ARMH4: variants seen among roughly 807,000 people sequenced by gnomAD.
ARMH4 encodes armadillo like helical domain containing 4.
Under a neutral mutation model 61.9 loss-of-function variants are expected in ARMH4, and 49 were observed. That is an observed-to-expected ratio of 0.79 (90% CI 0.63 to 1.00). The LOEUF (loss-of-function observed/expected upper bound fraction) is 1.00. Among genes scored for constraint, ARMH4 ranks in the 50% least tolerant of loss-of-function variants. ARMH4 has a pLI of 0.00. For synonymous variants in ARMH4, 368 were observed against 341.5 expected (o/e 1.08, Z -0.85); for missense variants, 934 against 930.0 (o/e 1.00, Z -0.06).
At chr14:58,009,594 T>C (rs1882310101) in intron 6 of ARMH4, among the ~76,000 whole-genome samples, 2 of 152,024 alleles carry the variant, frequency 1.3e-5, no homozygotes, top group Non-Finnish European at 2.9e-5. Flanking sequence ...GCAGGTCAGA[T>C]AAGGCCAAGA....
intron 5 of ARMH4, among the ~76,000 whole-genome samples, chr14:58,013,442 A>G (rs945961684): frequency 6.6e-6 from 1 of 152,172 alleles, no homozygotes; most frequent in Non-Finnish European, 1.5e-5. Context: ...ATATAAAAGC[A>G]TGCAGCAGGC....
At chr14:58,134,854 G>T (rs1887252733) in intron 2 of ARMH4, among the ~76,000 whole-genome samples, 1 of 151,396 alleles carries the variant, frequency 6.6e-6, no homozygotes, top group African/African-American at 2.4e-5. Flanking sequence ...CCACCCGGGA[G>T]GATGAGGCAG....
intron 5 of ARMH4, among the ~76,000 whole-genome samples, chr14:58,086,818 C>T (rs753780203): frequency 6.6e-6 from 1 of 152,074 alleles, no homozygotes. Flanking sequence ...AAGGGCTCAG[C>T]GTGAGTTAGG....
intron 5 of ARMH4, among the ~76,000 whole-genome samples, chr14:58,059,694 G>A (rs1456516880): frequency 6.6e-6 from 1 of 152,152 alleles, no homozygotes; most frequent in Non-Finnish European, 1.5e-5. Context: ...TTCTCTCTTT[G>A]TATGGCATTT....
intron 4 of ARMH4, chr14:58,116,134 A>G (rs970769605): frequency 6.5e-6 from 1 of 152,732 alleles, no homozygotes; most frequent in African/African-American, 2.4e-5. Context: ...TAAATGCCTC[A>G]TCGCCATGAC....
At chr14:58,140,482 G>A (rs1257073182) in intron 1 of ARMH4, among the ~76,000 whole-genome samples, 2 of 151,920 alleles carry the variant, frequency 1.3e-5, no homozygotes, top group Non-Finnish European at 2.9e-5. Context: ...TCGGGAGGCT[G>A]AGGCAAGAGA....
At chr14:58,144,802 A>C (rs1012706282) in intron 1 of ARMH4, among the ~76,000 whole-genome samples, 13 of 152,238 alleles carry the variant, frequency 8.5e-5, no homozygotes, top group Non-Finnish European at 1.5e-4. Context: ...CAGGAGGCCG[A>C]GCTTGCCGTG....
chr14:58,048,494 G>A (rs936490946), intron 5 of ARMH4, among the ~76,000 whole-genome samples: 3 of 152,180 alleles, frequency 2.0e-5, no homozygotes, highest in Non-Finnish European at 4.4e-5. Flanking sequence ...AGGCATTCCC[G>A]TAACACTGAC....
intron 5 of ARMH4, among the ~76,000 whole-genome samples, chr14:58,024,863 C>T (rs899314057): frequency 1.3e-5 from 2 of 152,130 alleles, no homozygotes; most frequent in Admixed American, 6.5e-5. Flanking sequence ...ACAGTCAGAA[C>T]ACACACAACA....
intron 5 of ARMH4, among the ~76,000 whole-genome samples, chr14:58,028,222 G>A (rs981770033): frequency 6.6e-6 from 1 of 152,144 alleles, no homozygotes; most frequent in Non-Finnish European, 1.5e-5. Context: ...TTCCTTGTGT[G>A]ATCTGTAATT....
rs1887366063 is a variant in ARMH4, at chr14:58,138,039, G to C, written c.1320C>G (p.Val440=). 2 of 1,613,870 alleles carry C rather than the reference G, an allele frequency of 1.2e-6. No individual in the cohort carries two copies. Among genetic ancestry groups the C allele is most frequent in the African/African-American group, 1.3e-5 (1 of 74,876 alleles). The part of the protein sequence containing the change: ...ALFFLETTVS[V]SVYESEADQL... The stretch of plus-strand genomic sequence containing the variant: ...GGTCTGCCTCAGACTCATATACAGA[G>C]ACAGAAACAGTGGTTTCTAAGAAAA... The change falls in exon 2 of 8, where the codon GTC becomes GTG. Residue 440 remains valine (V), a synonymous_variant. Coordinates refer to ENST00000267485, the MANE Select transcript of ARMH4 (RefSeq NM_001001872.4).
chr14:58,022,290 C>G (rs985499632), intron 5 of ARMH4, among the ~76,000 whole-genome samples: 2 of 152,136 alleles, frequency 1.3e-5, no homozygotes, highest in Admixed American at 1.3e-4. Context: ...ATTTTCTTCT[C>G]TGACTCTAAC....
intron 5 of ARMH4, among the ~76,000 whole-genome samples, chr14:58,083,271 T>G (rs1885284320): frequency 6.6e-6 from 1 of 152,148 alleles, no homozygotes; most frequent in Admixed American, 6.5e-5. Context: ...ATTTAACCTT[T>G]GGAATAATGG....
At chr14:58,042,810 T>C (rs1008283793) in intron 5 of ARMH4, among the ~76,000 whole-genome samples, 31 of 152,120 alleles carry the variant, frequency 2.0e-4, no homozygotes, top group Admixed American at 5.2e-4. Flanking sequence ...GAGAATACAA[T>C]AAACACCTCT....
At chr14:58,077,477 C>T (rs1004339564) in intron 5 of ARMH4, among the ~76,000 whole-genome samples, 4 of 152,120 alleles carry the variant, frequency 2.6e-5, no homozygotes, top group East Asian at 1.9e-4. Context: ...AAGCGTGGTG[C>T]ACACCTGCGG....
At chr14:58,056,812 C>A (rs1884363923) in intron 5 of ARMH4, among the ~76,000 whole-genome samples, 1 of 152,198 alleles carries the variant, frequency 6.6e-6, no homozygotes, top group Non-Finnish European at 1.5e-5. Context: ...AAACCCTAAT[C>A]TGGTCATGGG....
At position 58,004,852 on chromosome 14, in the gene ARMH4, A is replaced by G. The variant is rs758065391; in HGVS notation, c.2257-48T>C. 6 of 1,576,588 alleles carry G rather than the reference A, an allele frequency of 3.8e-6. No individual in the cohort carries two copies. The Middle Eastern group carries it at 5.0e-4, about 132-fold the overall frequency. ...CATTAAACTCTTTCTGCCACAGAGC[A>G]AAGCTGAGAAACAGGCCCACTTTAA... On this transcript the variant is annotated intron_variant, in intron 7 of 7. Coordinates refer to ENST00000267485, the MANE Select transcript of ARMH4 (RefSeq NM_001001872.4).
At chr14:58,032,871 C>T (rs1418856480) in intron 5 of ARMH4, among the ~76,000 whole-genome samples, 1 of 152,120 alleles carries the variant, frequency 6.6e-6, no homozygotes, top group Non-Finnish European at 1.5e-5. Context: ...CACCACGAGA[C>T]TATATACCAC....
intron 5 of ARMH4, among the ~76,000 whole-genome samples, chr14:58,014,227 T>G (rs1387539951): frequency 6.6e-6 from 1 of 152,132 alleles, no homozygotes; most frequent in Non-Finnish European, 1.5e-5. Context: ...TGTCAAGACC[T>G]CTCTCTTGTC....
Sources: allele counts gnomAD v4.1 joint callset (sites outside exome capture counted in the v4.1 genomes callset), GRCh38; gene constraint gnomAD v4.1.1; transcripts MANE v1.5; gene names NCBI Gene and HGNC (gene_info 2026-07-23, HGNC 2026-07-21).